The following SLC13A1 variants were observed in gnomAD, a reference collection of about 807,000 sequenced individuals.
SLC13A1 encodes the protein solute carrier family 13 member 1, also known as Na(+)/sulfate cotransporter.
SLC13A1 carries 65 observed loss-of-function variants against 70.0 expected under a neutral mutation model. The ratio of observed to expected loss-of-function variants is 0.93; its 90% CI spans 0.76 to 1.14. The LOEUF (loss-of-function observed/expected upper bound fraction) is 1.14. SLC13A1 is among the 50% of genes most tolerant of loss of function. The probability of loss-of-function intolerance (pLI) is 0.00; values close to 1 mark genes in which losing one functional copy is unlikely to be tolerated. For missense variants in SLC13A1, 726 were observed against 717.8 expected (o/e 1.01, Z -0.13); for synonymous variants, 275 against 250.5 (o/e 1.10, Z -0.92).
intron 7 of SLC13A1, among the ~76,000 whole-genome samples, chr7:123,144,135 T>C (rs1051173647): frequency 6.6e-6 from 1 of 152,138 alleles, no homozygotes; most frequent in African/African-American, 2.4e-5. Context: ...AGATCAAGCA[T>C]GCTGTTTTGG....
At chr7:123,183,347 TGGTAACACTG>T (rs1795698729) in intron 1 of SLC13A1, among the ~76,000 whole-genome samples, 1 of 152,172 alleles carries the variant, frequency 6.6e-6, no homozygotes, top group South Asian at 2.1e-4. Context: ...CTGAGATATT[TGGTAACACTG>T]GGATCATATT....
intron 6 of SLC13A1, among the ~76,000 whole-genome samples, chr7:123,165,428 C>T (rs181373000): frequency 1.3e-5 from 2 of 152,228 alleles, no homozygotes; most frequent in East Asian, 3.9e-4. Flanking sequence ...GTTATTCTTA[C>T]CTCTGAGTTC....
Position 123,180,375 on chromosome 7 carries a change from G to C in SLC13A1, c.228+598C>G, listed in dbSNP as rs139197771. On this transcript the variant is annotated intron_variant, in intron 2 of 14. Transcript: ENST00000194130. ...TCTTTCTTGAGATTGTTTCAGCTGT[G>C]GTTTAGACAGTTGTTCACTGGGTGG... is the stretch of plus-strand genomic sequence containing the variant. 8.4e-3 allele frequency among the ~76,000 whole-genome samples: 1,271 copies of C among 152,174 alleles called. 19 individuals are homozygous for C. The highest frequency in any genetic ancestry group is 0.028 in the African/African-American group (1,180 of 41,524).
At chr7:123,167,656 G>A (rs1264707261) in intron 6 of SLC13A1, among the ~76,000 whole-genome samples, 1 of 151,996 alleles carries the variant, frequency 6.6e-6, no homozygotes, top group Non-Finnish European at 1.5e-5. Flanking sequence ...TTATTCTGGG[G>A]AAATGAATTC....
chr7:123,145,566 T>C (rs1794321797), intron 7 of SLC13A1, among the ~76,000 whole-genome samples: 1 of 152,196 alleles, frequency 6.6e-6, no homozygotes, highest in Non-Finnish European at 1.5e-5. Context: ...AGGATATAAG[T>C]CATTTTCAAA....
chr7:123,159,153 T>G (rs993382596), intron 6 of SLC13A1, among the ~76,000 whole-genome samples: 9 of 152,130 alleles, frequency 5.9e-5, no homozygotes, highest in African/African-American at 2.2e-4. Context: ...CCTAGGCTCT[T>G]TATACTGTTC....
chr7:123,158,031 TG>T (rs1175332375), intron 6 of SLC13A1, among the ~76,000 whole-genome samples: 12 of 152,070 alleles, frequency 7.9e-5, no homozygotes, highest in African/African-American at 2.9e-4. Context: ...GCAATATAAT[TG>T]AAAACTCTTA....
chr7:123,169,930 A>G (rs1795210388), intron 3 of SLC13A1, among the ~76,000 whole-genome samples: 1 of 152,190 alleles, frequency 6.6e-6, no homozygotes, highest in Non-Finnish European at 1.5e-5. Flanking sequence ...AATTTTCTGA[A>G]TATTCTGATT....
At chr7:123,142,638 C>CTTTTTTT (rs753775300) in intron 7 of SLC13A1, among the ~76,000 whole-genome samples, 1,444 of 118,694 alleles carry the variant, frequency 0.012, 90 homozygotes, top group African/African-American at 0.036. Context: ...GGGGCAAGAA[C>CTTTTTTT]TTTTTTTTTT....
intron 6 of SLC13A1, among the ~76,000 whole-genome samples, chr7:123,154,935 TA>T (rs1186181008): frequency 6.6e-6 from 1 of 152,160 alleles, no homozygotes; most frequent in Non-Finnish European, 1.5e-5. Flanking sequence ...AGGTTGGAAA[TA>T]AATGTTACTT....
intron 1 of SLC13A1, among the ~76,000 whole-genome samples, chr7:123,199,396 A>C (rs1796281481): frequency 6.6e-6 from 1 of 152,094 alleles, no homozygotes; most frequent in South Asian, 2.1e-4. Context: ...AAGTTCTGTG[A>C]CAAAGCCACA....
At chr7:123,134,871 G>T (rs1793900804) in intron 7 of SLC13A1, among the ~76,000 whole-genome samples, 1 of 152,108 alleles carries the variant, frequency 6.6e-6, no homozygotes. Flanking sequence ...TGAGGTATTT[G>T]CGTTTTGTTG....
chr7:123,158,546 G>A (rs888827766), intron 6 of SLC13A1, among the ~76,000 whole-genome samples: 8 of 151,914 alleles, frequency 5.3e-5, no homozygotes, highest in Non-Finnish European at 1.0e-4. Context: ...ATTGAATATT[G>A]AGAAATAACA....
chr7:123,175,881 G>A (rs1169899450), intron 2 of SLC13A1, among the ~76,000 whole-genome samples: 1 of 152,182 alleles, frequency 6.6e-6, no homozygotes, highest in African/African-American at 2.4e-5. Flanking sequence ...CCAGGACTAT[G>A]AGACATTCTT....
intron 8 of SLC13A1, 96 bp from the exon 9 acceptor site, chr7:123,129,577 A>G (rs1482702067): frequency 2.8e-5 from 23 of 830,342 alleles, no homozygotes; most frequent in Middle Eastern, 2.2e-4. Flanking sequence ...TCTTCACGCA[A>G]TATGAATCTC....
intron 7 of SLC13A1, among the ~76,000 whole-genome samples, chr7:123,136,212 C>A (rs987738739): frequency 6.6e-6 from 1 of 152,132 alleles, no homozygotes; most frequent in Non-Finnish European, 1.5e-5. Context: ...GAGAATCCTG[C>A]AAAATGTATT....
At chr7:123,119,925 C>T (rs1264115029) in intron 12 of SLC13A1, among the ~76,000 whole-genome samples, 1 of 151,988 alleles carries the variant, frequency 6.6e-6, no homozygotes, top group Non-Finnish European at 1.5e-5. Context: ...CGTTTACTCT[C>T]CCTTCCCCAC....
chr7:123,199,781 A>C, intron 1 of SLC13A1, 67 bp downstream of exon 1: 1 of 1,202,532 alleles, frequency 8.3e-7, no homozygotes, highest in Admixed American at 1.8e-5. Flanking sequence ...TAAACAGCAA[A>C]CAGTTTTAAT....
Position 123,190,163 on chromosome 7 carries a change from T to C in SLC13A1, c.100-9062A>G, listed in dbSNP as rs147256363. On this transcript the variant is annotated intron_variant, in intron 1 of 14. Coordinates refer to ENST00000194130, the MANE Select transcript of SLC13A1 (RefSeq NM_022444.4). Reference sequence around the variant, plus strand: ...AAGGATACTCAGTTTAAAGTTTATTTCATCTTGTAGTATACTATAAGAGAC... The same window carrying C: ...AAGGATACTCAGTTTAAAGTTTATTCCATCTTGTAGTATACTATAAGAGAC... 2.1e-3 allele frequency among the ~76,000 whole-genome samples: 317 copies of C among 152,322 alleles called. 3 individuals are homozygous for C. Among genetic ancestry groups the C allele is most frequent in the African/African-American group, 7.2e-3 (299 of 41,582 alleles).
Sources: allele counts gnomAD v4.1 joint callset (sites outside exome capture counted in the v4.1 genomes callset), GRCh38; gene constraint gnomAD v4.1.1; transcripts MANE v1.5; gene names NCBI Gene and HGNC (gene_info 2026-07-23, HGNC 2026-07-21).